The following AMDHD2 variants were observed in gnomAD, a reference collection of about 807,000 sequenced individuals.
AMDHD2 encodes N-acetylglucosamine-6-phosphate deacetylase.
Under a neutral mutation model 41.8 loss-of-function variants are expected in AMDHD2, and 24 were observed. The observed-to-expected ratio is 0.57, with a 90% confidence interval of 0.42 to 0.81. The LOEUF (loss-of-function observed/expected upper bound fraction) is 0.81. Among genes scored for constraint, AMDHD2 ranks in the 30% least tolerant of loss-of-function variants. The pLI is 0.00. For missense variants in AMDHD2, 540 were observed against 588.5 expected (o/e 0.92, Z 0.85); for synonymous variants, 332 against 255.5 (o/e 1.30, Z -2.85).
rs1416674994 is a variant in AMDHD2, at chr16:2,526,767, C to T, written c.361-794C>T. Among the ~76,000 whole-genome samples, 2 of 152,088 alleles carry T rather than the reference C, an allele frequency of 1.3e-5. 1 individual carries two copies. Among genetic ancestry groups the T allele is most frequent in the Non-Finnish European group, 2.9e-5 (2 of 68,038 alleles). ...CCTACATGGTGAAACCCCGCCTCTACTAAAAATACAAAATTAGCCGAGCAT... is the reference window on the plus strand; with the variant it reads ...CCTACATGGTGAAACCCCGCCTCTATTAAAAATACAAAATTAGCCGAGCAT... On this transcript the variant is annotated intron_variant, in intron 3 of 10. Coordinates refer to ENST00000293971, the MANE Select transcript of AMDHD2 (RefSeq NM_001330449.2).
Position 2,520,772 on chromosome 16 carries a change from G to A in AMDHD2, c.87G>A (p.Glu29=). The A allele has an allele frequency of 1.9e-6, 3 of 1,594,402 alleles. No individual in the cohort carries two copies. The highest frequency in any genetic ancestry group is 2.6e-6 in the Non-Finnish European group (3 of 1,172,820). ...RILRGGKLLR[E]DLWVRGGRIL... is the part of the protein sequence containing the mutation. Reference sequence around the variant, plus strand: ...CGCCCACCCACTGCGTCCCCAGGGAGGATCTGTGGGTGCGCGGAGGCCGCA... The same window carrying A: ...CGCCCACCCACTGCGTCCCCAGGGAAGATCTGTGGGTGCGCGGAGGCCGCA... Residue 29 remains glutamate, a synonymous_variant, in exon 2 of 11, where the codon GAG becomes GAA. Coordinates refer to ENST00000293971, the MANE Select transcript of AMDHD2 (RefSeq NM_001330449.2).
In AMDHD2 at chr16:2,530,203, G is replaced by A; in HGVS notation, c.*640G>A. ...CTGCCTAGCCCTGAGTGCCACGGAT[G>A]ACCAGCGTTCTGTTTTCTCTTCTCA... On this transcript the variant is annotated 3_prime_UTR_variant, in exon 11 of 11. Transcript: ENST00000293971. The A allele has an allele frequency of 6.6e-7, 1 of 1,510,602 alleles. No individual in the cohort carries two copies. Among genetic ancestry groups the A allele is most frequent in the East Asian group, 2.4e-5 (1 of 41,192 alleles). 93.6% of individuals were successfully genotyped at this position (1,510,602 alleles called of 1,614,324 possible).
chr16:2,530,653 A>C lies in AMDHD2; in HGVS notation c.*1090A>C. On this transcript the variant is annotated 3_prime_UTR_variant, in exon 11 of 11. Coordinates refer to ENST00000293971, the MANE Select transcript of AMDHD2 (RefSeq NM_001330449.2). ...TTCTCTTCCCTCTGCTGCAAAGCCC[A>C]GTTAAGGAAATGTCTCCAGGTCCAA... The C allele has an allele frequency of 6.2e-7, 1 of 1,614,180 alleles. No individual in the cohort carries two copies. The highest frequency in any genetic ancestry group is 8.5e-7 in the Non-Finnish European group (1 of 1,180,024).
Position 2,521,974 on chromosome 16 carries a change from C to T in AMDHD2, c.360+851C>T, listed in dbSNP as rs188403023. On this transcript the variant is annotated intron_variant, in intron 3 of 10. Coordinates refer to ENST00000293971, the MANE Select transcript of AMDHD2 (RefSeq NM_001330449.2). The stretch of plus-strand genomic sequence containing the variant: ...TAATTTTTTGTATTTTTCGTAGAGA[C>T]GGGGTTTCACCGTGTTAGCCAGGAT... 3.2e-3 allele frequency among the ~76,000 whole-genome samples: 493 copies of T among 151,870 alleles called. 6 individuals are homozygous for T. The East Asian group carries it at 0.043, about 13-fold the overall frequency.
intron 3 of AMDHD2, among the ~76,000 whole-genome samples, chr16:2,521,966 C>T (rs372394114): frequency 4.6e-5 from 7 of 151,602 alleles, no homozygotes; most frequent in Non-Finnish European, 7.4e-5. Context: ...TTGTATTTTT[C>T]GTAGAGACGG....
chr16:2,520,748 G>T (rs1319503791), intron 1 of AMDHD2, 21 bp from the exon 2 acceptor site: 2 of 1,542,626 alleles, frequency 1.3e-6, no homozygotes, highest in African/African-American at 2.7e-5. Flanking sequence ...CGATGCGAGC[G>T]CCCACCCACT....
rs929931931 is a variant in AMDHD2, at chr16:2,527,615, G to C, written c.415G>C (p.Gly139Arg). The C allele has an allele frequency of 6.2e-7, 1 of 1,611,976 alleles. No homozygotes were observed. Among genetic ancestry groups the C allele is most frequent in the Non-Finnish European group, 8.5e-7 (1 of 1,179,340 alleles). ...TGGTCCCCATGGGGCAGGGGTCCTC[G>C]GTGAGTGGCTGACCTCCTCCCCGCC... is the stretch of plus-strand genomic sequence containing the variant. Reference protein sequence around the residue: ...SGGPHGAGVLGLHLEGPFISR... With the variant: ...SGGPHGAGVLRLHLEGPFISR... Residue 139 changes from glycine (G) to arginine (R), a missense_variant and splice_region_variant, in exon 4 of 11, where the codon GGG becomes CGG. Transcript: ENST00000293971. The surrounding 1 kb of genome is among the most constrained non-coding windows in gnomAD (Gnocchi z 6.1).
At chr16:2,529,227 G>A (rs2066051557) in intron 10 of AMDHD2, 132 bp downstream of exon 10, 1 of 1,092,576 alleles carries the variant, frequency 9.2e-7, no homozygotes, top group South Asian at 1.7e-5. Context: ...GCTGCCGGCT[G>A]CCAGCCTCAG....
rs1369934712 is a variant in AMDHD2, at chr16:2,520,435, C to G, written c.-24C>G. 2 of 1,227,182 alleles carry G rather than the reference C, an allele frequency of 1.6e-6. No individual in the cohort carries two copies. Among genetic ancestry groups the G allele is most frequent in the South Asian group, 4.1e-5 (1 of 24,394 alleles). 76.0% of individuals were successfully genotyped at this position (1,227,182 alleles called of 1,614,324 possible). On this transcript the variant is annotated 5_prime_UTR_variant, in exon 1 of 11. Coordinates refer to ENST00000293971, the MANE Select transcript of AMDHD2 (RefSeq NM_001330449.2). Reference sequence around the variant, plus strand: ...TTTGGCCGCCGCGGGGCTCCGGAGCCGCTCGCTCCCGACACGGCTCACGAT... The same window carrying G: ...TTTGGCCGCCGCGGGGCTCCGGAGCGGCTCGCTCCCGACACGGCTCACGAT...
In AMDHD2 at chr16:2,531,352, C is replaced by G. The variant is rs977301623; in HGVS notation, c.*1789C>G. The stretch of plus-strand genomic sequence containing the variant: ...GATTTTGAGGTGTGGGGGAAGCACT[C>G]TTGGTTGGTTTTGGTTTGCTTTTTA... On this transcript the variant is annotated 3_prime_UTR_variant, in exon 11 of 11. Coordinates refer to ENST00000293971, the MANE Select transcript of AMDHD2 (RefSeq NM_001330449.2). 1 of 513,958 alleles carries G rather than the reference C, an allele frequency of 1.9e-6. No individual in the cohort carries two copies. Among genetic ancestry groups the G allele is most frequent in the Non-Finnish European group, 3.6e-6 (1 of 281,532 alleles). 31.8% of individuals were successfully genotyped at this position (513,958 alleles called of 1,614,324 possible). A position where few individuals can be genotyped will look rare whatever the true frequency, so the allele number is the denominator to read the frequency against.
intron 3 of AMDHD2, among the ~76,000 whole-genome samples, chr16:2,522,012 C>G (rs562183502): frequency 1.3e-5 from 2 of 152,112 alleles, no homozygotes; most frequent in Admixed American, 6.5e-5. Flanking sequence ...TCTCGATCTC[C>G]TGACCTCGTG....
At position 2,528,225 on chromosome 16, in the gene AMDHD2, C is replaced by T; in HGVS notation, c.718-11C>T. 1 of 1,611,902 alleles carries T rather than the reference C, an allele frequency of 6.2e-7. No homozygotes were observed. Among genetic ancestry groups the T allele is most frequent in the South Asian group, 1.1e-5 (1 of 91,050 alleles). On this transcript the variant is annotated splice_polypyrimidine_tract_variant and intron_variant, in intron 6 of 10. Transcript: ENST00000293971. ...TGTCGCTCAGCCATCCCTTCCCTCG[C>T]CCCTGCCCAGTTCCACCACCGCGAC...
chr16:2,521,236 T>G, intron 3 of AMDHD2, 113 bp downstream of exon 3: 1 of 1,311,454 alleles, frequency 7.6e-7, no homozygotes, highest in Non-Finnish European at 9.9e-7. Flanking sequence ...TGGTCCTGAG[T>G]CTGGCCTCCT....
In AMDHD2 at chr16:2,531,280, C is replaced by T. The variant is rs1312912564; in HGVS notation, c.*1717C>T. On this transcript the variant is annotated 3_prime_UTR_variant, in exon 11 of 11. Transcript: ENST00000293971. ...TAGCCCTGGGTGGTGGGAGAGGGGCCCAGGGTCAGGGTGAGAGAGAGCTGG... is the reference window on the plus strand; with the variant it reads ...TAGCCCTGGGTGGTGGGAGAGGGGCTCAGGGTCAGGGTGAGAGAGAGCTGG... 3 of 616,110 alleles carry T rather than the reference C, an allele frequency of 4.9e-6. No homozygotes were observed. The highest frequency in any genetic ancestry group is 6.2e-5 in the Admixed American group (2 of 32,374). The allele number at this position is 616,110 out of a possible 1,614,324, so 38.2% of individuals were successfully genotyped here. A position where few individuals can be genotyped will look rare whatever the true frequency, so the allele number is the denominator to read the frequency against.
chr16:2,523,252 C>T (rs982687654), intron 3 of AMDHD2, among the ~76,000 whole-genome samples: 1 of 152,182 alleles, frequency 6.6e-6, no homozygotes, highest in Non-Finnish European at 1.5e-5. Context: ...CGTCTGTGTT[C>T]TAGTTCTGTC....
chr16:2,530,380 A>G lies in AMDHD2; in HGVS notation c.*817A>G, dbSNP rs1417635858. The G allele has an allele frequency of 5.0e-6, 8 of 1,613,830 alleles. No homozygotes were observed. Among genetic ancestry groups the G allele is most frequent in the African/African-American group, 2.7e-5 (2 of 74,936 alleles). On this transcript the variant is annotated 3_prime_UTR_variant, in exon 11 of 11. Coordinates refer to ENST00000293971, the MANE Select transcript of AMDHD2 (RefSeq NM_001330449.2). Reference sequence around the variant, plus strand: ...TCTTCTGTGTCCCCTTGGCCCTGGCACACACCCATGTGGCAAACACGGGCC... The same window carrying G: ...TCTTCTGTGTCCCCTTGGCCCTGGCGCACACCCATGTGGCAAACACGGGCC...
chr16:2,520,455 C>G lies in AMDHD2; in HGVS notation c.-4C>G. 1.6e-6 allele frequency: 2 copies of G among 1,235,906 alleles called. No individual in the cohort carries two copies. The highest frequency in any genetic ancestry group is 2.0e-6 in the Non-Finnish European group (2 of 983,112). The allele number at this position is 1,235,906 out of a possible 1,614,324, so 76.6% of individuals were successfully genotyped here. A position where few individuals can be genotyped will look rare whatever the true frequency, so the allele number is the denominator to read the frequency against. ...GGAGCCGCTCGCTCCCGACACGGCT[C>G]ACGATGCGCGGCGAGCAGGGCGCGG... On this transcript the variant is annotated 5_prime_UTR_variant, in exon 1 of 11. Transcript: ENST00000293971.
chr16:2,521,279 C>T (rs1001340209), intron 3 of AMDHD2, among the ~76,000 whole-genome samples, 156 bp downstream of exon 3: 2 of 151,016 alleles, frequency 1.3e-5, no homozygotes, highest in Non-Finnish European at 2.9e-5. Context: ...GGTCCCGCCC[C>T]TGTGCTTCTT....
Position 2,520,416 on chromosome 16 carries a change from C to A in AMDHD2, c.-43C>A. On this transcript the variant is annotated 5_prime_UTR_variant, in exon 1 of 11. Coordinates refer to ENST00000293971, the MANE Select transcript of AMDHD2 (RefSeq NM_001330449.2). ...TTCGTCACTGGGCGCGGGATTTGGC[C>A]GCCGCGGGGCTCCGGAGCCGCTCGC... The A allele has an allele frequency of 8.2e-7, 1 of 1,220,972 alleles. No individual in the cohort carries two copies. The highest frequency in any genetic ancestry group is 1.0e-6 in the Non-Finnish European group (1 of 977,674). The allele number at this position is 1,220,972 out of a possible 1,614,324, so 75.6% of individuals were successfully genotyped here.
Sources: gnomAD v4.1 joint callset for allele counts (sites outside exome capture counted in the v4.1 genomes callset) on GRCh38, gnomAD v4.1.1 for gene constraint, Gnocchi (gnomAD v3.1) non-coding constraint, MANE v1.5 for transcripts, NCBI Gene and HGNC (gene_info 2026-07-23, HGNC 2026-07-21) for gene names.